The following SYNPR variants were observed in gnomAD, a reference collection of about 807,000 sequenced individuals.
SYNPR encodes synaptoporin.
A neutral mutation model predicts 32.9 loss-of-function variants in SYNPR; 23 were observed. The observed-to-expected ratio is 0.70, with a 90% confidence interval of 0.50 to 0.99. The LOEUF (loss-of-function observed/expected upper bound fraction) is 0.99. Ranked by LOEUF, SYNPR falls within the 50% of genes least tolerant of loss-of-function variation. The pLI is 0.00. For synonymous variants in SYNPR, 146 were observed against 135.9 expected, an observed-to-expected ratio of 1.07 and a Z score of -0.52; for missense variants, 318 against 349.3, an observed-to-expected ratio of 0.91 and a Z score of 0.71.
chr3:63,306,522 G>C (rs537573461), intron 2 of SYNPR, among the ~76,000 whole-genome samples: 7 of 143,276 alleles, frequency 4.9e-5, no homozygotes, highest in African/African-American at 1.8e-4. Flanking sequence ...CTTTCTATCA[G>C]ATTTACCAGT....
At chr3:63,287,567 A>G (rs2086697509) in intron 2 of SYNPR, among the ~76,000 whole-genome samples, 3 of 152,338 alleles carry the variant, frequency 2.0e-5, no homozygotes, top group Non-Finnish European at 2.9e-5. Context: ...TGCTTAACAC[A>G]CAGTAAGGCC....
Position 63,606,088 on chromosome 3 carries a change from T to C in SYNPR, c.409-3037T>C, listed in dbSNP as rs537028658. 3.3e-5 allele frequency among the ~76,000 whole-genome samples: 5 copies of C among 152,358 alleles called. No individual in the cohort carries two copies. In the South Asian group the frequency reaches 1.0e-3, roughly 32 times the overall value. On this transcript the variant is annotated intron_variant, in intron 4 of 5. Transcript: ENST00000478300. Reference sequence around the variant, plus strand: ...CATCCTACAAGAGGGTTACTGTTATTATTTCAACTTACAGAGAGGTAAACT... The same window carrying C: ...CATCCTACAAGAGGGTTACTGTTATCATTTCAACTTACAGAGAGGTAAACT...
intron 2 of SYNPR, among the ~76,000 whole-genome samples, chr3:63,252,846 G>A (rs1422112383): frequency 6.6e-6 from 1 of 152,036 alleles, no homozygotes; most frequent in Non-Finnish European, 1.5e-5. Flanking sequence ...TTCAAGACCA[G>A]CCTGGCCAAC....
At chr3:63,507,747 G>A (rs1006031191) in intron 3 of SYNPR, among the ~76,000 whole-genome samples, 12 of 152,002 alleles carry the variant, frequency 7.9e-5, no homozygotes, top group African/African-American at 2.9e-4. Context: ...TATCACCTCC[G>A]TGATTTTTGC....
intron 2 of SYNPR, among the ~76,000 whole-genome samples, chr3:63,421,888 C>G (rs1699807695): frequency 6.6e-6 from 1 of 152,204 alleles, no homozygotes; most frequent in South Asian, 2.1e-4. Flanking sequence ...GGACAGCTTG[C>G]CTGCTTTTTC....
chr3:63,441,268 C>T (rs1334807762), intron 2 of SYNPR, among the ~76,000 whole-genome samples: 1 of 152,188 alleles, frequency 6.6e-6, no homozygotes, highest in Non-Finnish European at 1.5e-5. Context: ...AGTAAATATT[C>T]AAGAAATCTT....
chr3:63,514,315 T>C (rs1433192325), intron 3 of SYNPR, among the ~76,000 whole-genome samples: 1 of 152,232 alleles, frequency 6.6e-6, no homozygotes, highest in East Asian at 1.9e-4. Context: ...GATGCTTGTC[T>C]TCAGGGTGAG....
At chr3:63,296,380 C>T (rs1235626960) in intron 2 of SYNPR, among the ~76,000 whole-genome samples, 4 of 152,154 alleles carry the variant, frequency 2.6e-5, no homozygotes, top group Non-Finnish European at 2.9e-5. Flanking sequence ...TTGTTCCTTC[C>T]GCACCACAGC....
chr3:63,278,993 C>G (rs2086602955), intron 2 of SYNPR, among the ~76,000 whole-genome samples: 2 of 152,156 alleles, frequency 1.3e-5, no homozygotes. Flanking sequence ...CTCACCTCAC[C>G]GCTTGCAGAC....
chr3:63,500,147 C>G (rs1475073436), intron 3 of SYNPR, among the ~76,000 whole-genome samples: 1 of 152,056 alleles, frequency 6.6e-6, no homozygotes, highest in South Asian at 2.1e-4. Context: ...ACCTGCATAC[C>G]ACCTGGACTA....
intron 2 of SYNPR, among the ~76,000 whole-genome samples, chr3:63,355,673 C>T (rs1453028730): frequency 6.6e-6 from 1 of 152,086 alleles, no homozygotes; most frequent in Non-Finnish European, 1.5e-5. Context: ...CCCTCCCATT[C>T]TCCGTCACCT....
intron 2 of SYNPR, among the ~76,000 whole-genome samples, chr3:63,263,314 T>G (rs1018550631): frequency 6.6e-6 from 1 of 152,200 alleles, no homozygotes; most frequent in African/African-American, 2.4e-5. Flanking sequence ...CAAAGATTCT[T>G]TAGCCTTCAC....
At chr3:63,204,720 G>C in the SYNPR span, among the ~76,000 whole-genome samples, 1 of 151,528 alleles carries the variant, frequency 6.6e-6, no homozygotes, top group Non-Finnish European at 1.5e-5. Flanking sequence ...GTCTCGCTCT[G>C]TCACCCAGGC....
At position 63,437,749 on chromosome 3, in the gene SYNPR, G is replaced by T. The variant is rs557546884; in HGVS notation, c.85-43083G>T. Among the ~76,000 whole-genome samples the T allele has an allele frequency of 9.1e-4, 138 of 152,216 alleles. No individual in the cohort carries two copies. In the South Asian group the frequency reaches 0.027, roughly 30 times the overall value. On this transcript the variant is annotated intron_variant, in intron 2 of 5. Transcript: ENST00000478300. ...CCACTTCACAGCACCTGTGGCCTTCGCTAGAGGAATGTAGCCAACTTCAGA... is the reference window on the plus strand; with the variant it reads ...CCACTTCACAGCACCTGTGGCCTTCTCTAGAGGAATGTAGCCAACTTCAGA...
At chr3:63,596,352 A>G (rs1230437070) in intron 4 of SYNPR, among the ~76,000 whole-genome samples, 8 of 111,716 alleles carry the variant, frequency 7.2e-5, no homozygotes, top group African/African-American at 2.8e-4. Context: ...TCTCTTCCCT[A>G]TCCTCCTCCT....
chr3:63,350,758 G>A (rs1220895879), intron 2 of SYNPR, among the ~76,000 whole-genome samples: 5 of 152,206 alleles, frequency 3.3e-5, no homozygotes, highest in African/African-American at 1.2e-4. Flanking sequence ...ATACATGTAT[G>A]TGCAGGGGAG....
intron 3 of SYNPR, among the ~76,000 whole-genome samples, chr3:63,540,211 T>C (rs1702274401): frequency 6.6e-6 from 1 of 152,162 alleles, no homozygotes; most frequent in African/African-American, 2.4e-5. Flanking sequence ...TATCACCTTA[T>C]GAAGTAGGTC....
At chr3:63,351,560 G>T (rs2087510345) in intron 2 of SYNPR, 1 of 152,130 alleles carries the variant, frequency 6.6e-6, no homozygotes, top group Non-Finnish European at 1.5e-5. Flanking sequence ...GATCAAATTT[G>T]GGAGCAGTGG....
At chr3:63,454,746 ATC>A (rs1382481714) in intron 2 of SYNPR, among the ~76,000 whole-genome samples, 1 of 151,460 alleles carries the variant, frequency 6.6e-6, no homozygotes, top group African/African-American at 2.4e-5. Context: ...GGTGGCAGAG[ATC>A]TCTGTGTGAT....
Sources: allele counts gnomAD v4.1 joint callset (sites outside exome capture counted in the v4.1 genomes callset), GRCh38; gene constraint gnomAD v4.1.1; transcripts MANE v1.5; gene names NCBI Gene and HGNC (gene_info 2026-07-23, HGNC 2026-07-21).